HECW2: variants seen among roughly 807,000 people sequenced by gnomAD.
The protein encoded by HECW2 is E3 ubiquitin-protein ligase HECW2.
A neutral mutation model predicts 175.2 loss-of-function variants in HECW2; 61 were observed. The observed-to-expected ratio is 0.35, with a 90% CI of 0.28 to 0.43. HECW2 has a LOEUF of 0.43. HECW2 is among the 20% of genes least tolerant of loss of function. The pLI is 1.00. For missense variants in HECW2, 1,524 were observed against 2,000.5 expected (o/e 0.76, Z 4.54); for synonymous variants, 671 against 731.0 (o/e 0.92, Z 1.32).
chr2:196,254,137 A>G, intron 18 of HECW2, 108 bp from the exon 19 acceptor site: 1 of 1,465,194 alleles, frequency 6.8e-7, no homozygotes, highest in African/African-American at 1.4e-5. Context: ...TATATCCCAA[A>G]GAGAGCATCC....
chr2:196,205,277 A>C (rs1323187857), intron 28 of HECW2, among the ~76,000 whole-genome samples: 1 of 152,210 alleles, frequency 6.6e-6, no homozygotes, highest in Non-Finnish European at 1.5e-5. Context: ...AAATCAAGAA[A>C]AGGACCTCAG....
chr2:196,480,576 G>A (rs750554447), intron 1 of HECW2, among the ~76,000 whole-genome samples: 2 of 152,236 alleles, frequency 1.3e-5, no homozygotes, highest in Non-Finnish European at 2.9e-5. Context: ...ACAGAACTCA[G>A]TCCGTGAGTT....
At chr2:196,337,693 A>G (rs776788207) in intron 3 of HECW2, among the ~76,000 whole-genome samples, 56 of 151,470 alleles carry the variant, frequency 3.7e-4, no homozygotes, top group Non-Finnish European at 7.4e-4. Flanking sequence ...TTTGGGCTAT[A>G]AAAAGAGTAT....
intron 2 of HECW2, among the ~76,000 whole-genome samples, chr2:196,427,017 A>G (rs1695567209): frequency 6.6e-6 from 1 of 152,194 alleles, no homozygotes; most frequent in Admixed American, 6.5e-5. Context: ...ATCAATCCAT[A>G]GACACTGAGA....
At chr2:196,322,396 G>T in intron 7 of HECW2, 82 bp downstream of exon 7, 1 of 1,174,532 alleles carries the variant, frequency 8.5e-7, no homozygotes, top group Non-Finnish European at 1.2e-6. Flanking sequence ...AGTATGAAAA[G>T]TCCTAGGACT....
chr2:196,561,577 C>G (rs1690002285), intron 1 of HECW2, among the ~76,000 whole-genome samples: 1 of 152,136 alleles, frequency 6.6e-6, no homozygotes, highest in South Asian at 2.1e-4. Context: ...ATCATGGAAC[C>G]TGCTGACATG....
chr2:196,261,115 C>T (rs1405498858), intron 17 of HECW2, among the ~76,000 whole-genome samples: 1 of 152,112 alleles, frequency 6.6e-6, no homozygotes, highest in African/African-American at 2.4e-5. Context: ...ATGATAATAA[C>T]ACCAGTCCCC....
chr2:196,276,382 A>G (rs1689956791), intron 15 of HECW2, among the ~76,000 whole-genome samples: 1 of 152,190 alleles, frequency 6.6e-6, no homozygotes, highest in African/African-American at 2.4e-5. Context: ...AAAGGCTACT[A>G]CTACTAGACC....
chr2:196,242,475 T>C (rs185720400), intron 19 of HECW2: 201 of 430,626 alleles, frequency 4.7e-4, no homozygotes, highest in African/African-American at 3.2e-3. Context: ...GTTCCCCTTT[T>C]CAGTCGAAAC....
At chr2:196,472,039 T>C (rs1211375537) in intron 1 of HECW2, among the ~76,000 whole-genome samples, 1 of 150,734 alleles carries the variant, frequency 6.6e-6, no homozygotes, top group Non-Finnish European at 1.5e-5. Context: ...CGAATGGATA[T>C]ACTGTGGCAT....
intron 2 of HECW2, among the ~76,000 whole-genome samples, chr2:196,356,501 A>T (rs557426818): frequency 3.3e-4 from 50 of 152,308 alleles, no homozygotes; most frequent in Admixed American, 5.2e-4. Flanking sequence ...CCGGATGTAA[A>T]TCATCTCTCT....
At chr2:196,581,861 T>C (rs1229788534) in intron 1 of HECW2, among the ~76,000 whole-genome samples, 1 of 151,948 alleles carries the variant, frequency 6.6e-6, no homozygotes, top group East Asian at 1.9e-4. Flanking sequence ...GGTCAGGAGA[T>C]TGAGACCATC....
chr2:196,384,360 C>T (rs1434207573), intron 2 of HECW2, among the ~76,000 whole-genome samples: 2 of 152,012 alleles, frequency 1.3e-5, no homozygotes, highest in African/African-American at 4.8e-5. Context: ...GCAGGAGGAT[C>T]GCTTGAGCCC....
At chr2:196,443,005 CA>C (rs1696084272) in intron 1 of HECW2, among the ~76,000 whole-genome samples, 1 of 152,000 alleles carries the variant, frequency 6.6e-6, no homozygotes. Context: ...CCCACAGAAT[CA>C]AAATAAAGGA....
chr2:196,519,281 A>G (rs1688259996), intron 1 of HECW2, among the ~76,000 whole-genome samples: 1 of 152,192 alleles, frequency 6.6e-6, no homozygotes, highest in African/African-American at 2.4e-5. Context: ...CTGCCACCCT[A>G]TTCCATTTTC....
In HECW2 at chr2:196,557,933, TTAA is replaced by T. The variant is rs372422703; in HGVS notation, c.-36+35572_-36+35574del. ...GCAGAGAGAAACCAATAGCAAAAAATTAATAATACTTAACACGATTATAAAATA... is the reference window on the plus strand; with the variant it reads ...GCAGAGAGAAACCAATAGCAAAAAATTAATACTTAACACGATTATAAAATA... On this transcript the variant is annotated intron_variant, in intron 1 of 28. Transcript: ENST00000644978. Among the ~76,000 whole-genome samples the T allele has an allele frequency of 2.9e-3, 440 of 151,594 alleles. 1 individual carries two copies. Among genetic ancestry groups the T allele is most frequent in the African/African-American group, 0.01 (416 of 40,920 alleles).
chr2:196,544,839 G>C (rs1238174371), intron 1 of HECW2, among the ~76,000 whole-genome samples: 1 of 152,170 alleles, frequency 6.6e-6, no homozygotes, highest in Admixed American at 6.5e-5. Context: ...TGGGGGAACA[G>C]GGAACAGCAA....
chr2:196,224,621 G>C (rs368499181), intron 23 of HECW2, among the ~76,000 whole-genome samples: 1 of 152,182 alleles, frequency 6.6e-6, no homozygotes, highest in African/African-American at 2.4e-5. Context: ...GTGGTGCACA[G>C]TGTCAGAAGC....
chr2:196,431,694 A>G (rs551429154), intron 2 of HECW2, among the ~76,000 whole-genome samples: 38 of 152,348 alleles, frequency 2.5e-4, no homozygotes, highest in Admixed American at 2.3e-3. Flanking sequence ...ATACAAATGT[A>G]ATTTTTAAAT....
Sources: gnomAD v4.1 joint callset for allele counts (sites outside exome capture counted in the v4.1 genomes callset) on GRCh38, gnomAD v4.1.1 for gene constraint, MANE v1.5 for transcripts, NCBI Gene and HGNC (gene_info 2026-07-23, HGNC 2026-07-21) for gene names.